The following CFAP47 variants were observed in gnomAD, a reference collection of about 807,000 sequenced individuals.
CFAP47 encodes the protein cilia- and flagella-associated protein 47.
A neutral mutation model predicts 148.1 loss-of-function variants in CFAP47; 29 were observed. That is an observed-to-expected ratio of 0.20 (90% CI 0.15 to 0.27). CFAP47 has a LOEUF of 0.27. CFAP47 is among the 10% of genes least tolerant of loss of function. CFAP47 has a pLI of 1.00. For missense variants in CFAP47, 1,872 were observed against 1,697.5 expected, an observed-to-expected ratio of 1.10 and a Z score of -1.81; for synonymous variants, 664 against 577.3, an observed-to-expected ratio of 1.15 and a Z score of -2.15.
chrX:35,948,460 T>G lies in CFAP47; in HGVS notation c.656+8T>G, dbSNP rs765177546. ...TGTAGATGAAGAGGCAATGTGAGTATATACTGTGGTTCTAAAAATTATAAT... is the reference window on the plus strand; with the variant it reads ...TGTAGATGAAGAGGCAATGTGAGTAGATACTGTGGTTCTAAAAATTATAAT... On this transcript the variant is annotated splice_region_variant and intron_variant, in intron 4 of 63. Transcript: ENST00000378653. 1.1e-5 allele frequency: 13 copies of G among 1,174,005 alleles called. No individual in the cohort carries two copies. Among genetic ancestry groups the G allele is most frequent in the Non-Finnish European group, 1.5e-5 (13 of 868,291 alleles).
chrX:36,369,566 A>G (rs1002614744), intron 62 of CFAP47, among the ~76,000 whole-genome samples: 1 of 111,338 alleles, frequency 9.0e-6, no homozygotes, highest in Admixed American at 9.7e-5. Flanking sequence ...CATGTTGGCC[A>G]TGTCTACAGT....
chrX:36,138,956 G>T (rs1939093970), intron 35 of CFAP47, among the ~76,000 whole-genome samples: 1 of 111,152 alleles, frequency 9.0e-6, no homozygotes, highest in South Asian at 3.7e-4. Flanking sequence ...GACCTCAATA[G>T]CAATAATCAA....
At chrX:36,065,608 T>A in intron 26 of CFAP47, 35 bp from the exon 27 acceptor site, 1 of 892,444 alleles carries the variant, frequency 1.1e-6, no homozygotes, top group Non-Finnish European at 1.6e-6. Flanking sequence ...ATCTGAAATT[T>A]TTATTGTATT....
chrX:36,149,249 T>C (rs2146841481), intron 37 of CFAP47, 26 bp downstream of exon 37: 1 of 288,491 alleles, frequency 3.5e-6, no homozygotes, highest in East Asian at 4.9e-5. Flanking sequence ...AATTTTACAT[T>C]ATCAGACATA....
chrX:36,371,704 G>A (rs868939701), intron 62 of CFAP47, among the ~76,000 whole-genome samples: 1 of 62,174 alleles, frequency 1.6e-5, no homozygotes, highest in Non-Finnish European at 2.8e-5. Flanking sequence ...ACACACATGT[G>A]TATATATGTG....
chrX:36,055,969 G>T (rs1036088646), intron 26 of CFAP47, among the ~76,000 whole-genome samples: 5 of 110,059 alleles, frequency 4.5e-5, no homozygotes, highest in Non-Finnish European at 9.5e-5. Flanking sequence ...CTTTTGAGAA[G>T]TGTCTGTTTA....
intron 25 of CFAP47, among the ~76,000 whole-genome samples, chrX:36,040,298 A>T (rs980177145): frequency 8.9e-6 from 1 of 112,367 alleles, no homozygotes; most frequent in Non-Finnish European, 1.9e-5. Context: ...AATTCTATGT[A>T]TAATTAAAAT....
chrX:36,351,579 A>G (rs1290869382), intron 59 of CFAP47, among the ~76,000 whole-genome samples: 1 of 112,145 alleles, frequency 8.9e-6, no homozygotes, highest in African/African-American at 3.2e-5. Flanking sequence ...TGAGAACACA[A>G]AAACATAGAT....
At chrX:36,142,590 A>T (rs1178924166) in intron 35 of CFAP47, among the ~76,000 whole-genome samples, 2 of 111,502 alleles carry the variant, frequency 1.8e-5, no homozygotes, top group African/African-American at 6.5e-5. Context: ...CAAAAGTCTG[A>T]TTGCTTTAGG....
chrX:36,211,896 C>T (rs1202691923), intron 45 of CFAP47, among the ~76,000 whole-genome samples: 1 of 111,395 alleles, frequency 9.0e-6, no homozygotes, highest in Non-Finnish European at 1.9e-5. Flanking sequence ...TAACACACTA[C>T]TGAATGTGTC....
chrX:36,299,146 A>G lies in CFAP47; in HGVS notation c.7856A>G (p.Asp2619Gly). 9.7e-7 allele frequency: 1 copy of G among 1,030,957 alleles called. No homozygotes were observed. The highest frequency in any genetic ancestry group is 1.3e-6 in the Non-Finnish European group (1 of 785,315). The allele number at this position is 1,030,957 out of a possible 1,213,427, so 85.0% of individuals were successfully genotyped here. A position where few individuals can be genotyped will look rare whatever the true frequency, so the allele number is the denominator to read the frequency against. The change falls in exon 52 of 64, where the codon GAT becomes GGT. Residue 2619 changes from aspartate to glycine, a missense_variant. Physicochemically the swap from Asp to Gly is moderately conservative, Grantham distance 94. Transcript: ENST00000378653. ...WYSPATTGYS[D>G]ESIIFQPEMA... The stretch of plus-strand genomic sequence containing the variant: ...TCTCCAGCAACTACAGGCTACAGCG[A>G]TGAAAGGTATGGTTTGAGTGTGGCA...
At chrX:36,276,139 T>A (rs1436371904) in intron 49 of CFAP47, among the ~76,000 whole-genome samples, 9 of 110,874 alleles carry the variant, frequency 8.1e-5, no homozygotes, top group Non-Finnish European at 1.7e-4. Flanking sequence ...CATTTATGAA[T>A]AATATTTCAA....
At chrX:36,096,618 G>C (rs1270447471) in intron 30 of CFAP47, among the ~76,000 whole-genome samples, 1 of 109,777 alleles carries the variant, frequency 9.1e-6, no homozygotes, top group Non-Finnish European at 1.9e-5. Flanking sequence ...TCTTCTTATA[G>C]TTTTTGTATT....
intron 62 of CFAP47, among the ~76,000 whole-genome samples, chrX:36,374,074 CATAAA>C (rs1941998974): frequency 9.1e-6 from 1 of 110,455 alleles, no homozygotes; most frequent in African/African-American, 3.3e-5. Context: ...ATCCTGGCCT[CATAAA>C]ATGAGATTTT....
chrX:36,166,999 G>A (rs1045021093), intron 39 of CFAP47, among the ~76,000 whole-genome samples: 28 of 111,362 alleles, frequency 2.5e-4, no homozygotes, highest in African/African-American at 8.8e-4. Flanking sequence ...TACTCTTCAA[G>A]CTAATTCAGT....
chrX:36,337,446 A>C (rs1941614738), intron 57 of CFAP47, among the ~76,000 whole-genome samples: 1 of 111,872 alleles, frequency 8.9e-6, no homozygotes, highest in Non-Finnish European at 1.9e-5. Flanking sequence ...GGATATATAT[A>C]GATGGTAGAG....
At chrX:36,015,931 A>G (rs1298327356) in intron 22 of CFAP47, among the ~76,000 whole-genome samples, 1 of 111,201 alleles carries the variant, frequency 9.0e-6, no homozygotes, top group Non-Finnish European at 1.9e-5. Flanking sequence ...TTGTTAATGT[A>G]TTTTTTTAAT....
At chrX:36,307,620 A>C (rs1941361547) in intron 55 of CFAP47, among the ~76,000 whole-genome samples, 1 of 110,655 alleles carries the variant, frequency 9.0e-6, no homozygotes, top group African/African-American at 3.3e-5. Flanking sequence ...ACTTCTTCAA[A>C]TGTTCATGGG....
chrX:36,216,513 G>A (rs1940160300), intron 45 of CFAP47, among the ~76,000 whole-genome samples: 2 of 111,779 alleles, frequency 1.8e-5, no homozygotes, highest in African/African-American at 6.5e-5. Context: ...CTCCTTGCCT[G>A]CTGCCTAGAC....
Sources: gnomAD v4.1 joint callset for allele counts (sites outside exome capture counted in the v4.1 genomes callset) on GRCh38, gnomAD v4.1.1 for gene constraint, MANE v1.5 for transcripts, NCBI Gene and HGNC (gene_info 2026-07-23, HGNC 2026-07-21) for gene names.